GNA12: variants seen among roughly 807,000 people sequenced by gnomAD.
The protein encoded by GNA12 is G protein subunit alpha 12.
In GNA12, 9 loss-of-function variants were observed where a neutral mutation model predicts 26.0. The ratio of observed to expected loss-of-function variants is 0.35; its 90% CI spans 0.21 to 0.60. The LOEUF is 0.60. Among genes scored for constraint, GNA12 ranks in the 20% least tolerant of loss-of-function variants. The pLI, the probability that GNA12 is intolerant of heterozygous loss-of-function variation, is 0.78. For synonymous variants in GNA12, 264 were observed against 219.6 expected (o/e 1.20, Z -1.79); for missense variants, 405 against 525.8 (o/e 0.77, Z 2.25).
chr7:2,790,391 C>T (rs918791646), intron 2 of GNA12, among the ~76,000 whole-genome samples: 2 of 152,202 alleles, frequency 1.3e-5, no homozygotes, highest in Non-Finnish European at 1.5e-5. Context: ...GCTGGAACTA[C>T]AGGCGCGCAA....
In GNA12 at chr7:2,731,810, A is replaced by G; in HGVS notation, c.577-60T>C. ...GAGGAAGAAAGAACAGAGAAAATAG[A>G]AACAAAAAGATGGCAAAAAGATAAG... On this transcript the variant is annotated intron_variant, in intron 3 of 3. Coordinates refer to ENST00000275364, the MANE Select transcript of GNA12 (RefSeq NM_007353.3). The surrounding 1 kb of genome is among the most constrained non-coding windows in gnomAD (Gnocchi z 6.0). 2 of 890,672 alleles carry G rather than the reference A, an allele frequency of 2.2e-6. No individual in the cohort carries two copies. The highest frequency in any genetic ancestry group is 3.2e-6 in the Non-Finnish European group (2 of 616,150). 55.2% of individuals were successfully genotyped at this position (890,672 alleles called of 1,614,324 possible).
At chr7:2,814,922 C>G in intron 1 of GNA12, 1 of 1,594,282 alleles carries the variant, frequency 6.3e-7, no homozygotes, top group Non-Finnish European at 8.5e-7. Flanking sequence ...GAAACATTCT[C>G]CGTTTCATTT....
chr7:2,767,652 C>A (rs192416181), intron 2 of GNA12, among the ~76,000 whole-genome samples: 2 of 152,292 alleles, frequency 1.3e-5, no homozygotes, highest in Admixed American at 6.5e-5. Flanking sequence ...AAGTTTTTTA[C>A]TTCTTCATTT....
At chr7:2,766,432 C>A (rs892980919) in intron 2 of GNA12, among the ~76,000 whole-genome samples, 6 of 147,110 alleles carry the variant, frequency 4.1e-5, no homozygotes, top group Non-Finnish European at 8.9e-5. Flanking sequence ...TGTCGCCAGG[C>A]TGGAGTGCAG....
chr7:2,762,792 G>T lies in GNA12; in HGVS notation c.526-29291C>A, dbSNP rs529989177. ...TCCACCCAGGCTGTACAAAAGGGAG[G>T]AGGAGCACTCAGGGCGGCCTCCCAT... On this transcript the variant is annotated intron_variant, in intron 2 of 3. Transcript: ENST00000275364. The T allele has an allele frequency of 9.1e-6, 14 of 1,538,938 alleles. No individual in the cohort carries two copies. The African/African-American group carries it at 1.2e-4, about 14-fold the overall frequency.
At chr7:2,764,244 C>A (rs950455770) in intron 2 of GNA12, among the ~76,000 whole-genome samples, 2 of 139,340 alleles carry the variant, frequency 1.4e-5, no homozygotes, top group African/African-American at 5.4e-5. Flanking sequence ...CAGCTAATTT[C>A]TTTTTTTTTT....
intron 2 of GNA12, among the ~76,000 whole-genome samples, chr7:2,754,860 C>T (rs190040937): frequency 2.6e-5 from 4 of 152,350 alleles, no homozygotes; most frequent in African/African-American, 7.2e-5. Context: ...AAGAATTCTT[C>T]ACCAAGTTCT....
chr7:2,838,417 A>C (rs1256795551), intron 1 of GNA12, among the ~76,000 whole-genome samples: 1 of 152,170 alleles, frequency 6.6e-6, no homozygotes, highest in Non-Finnish European at 1.5e-5. Context: ...TCTACAAAAA[A>C]TAAATATAGA....
chr7:2,841,078 A>C (rs1778976298), intron 1 of GNA12, among the ~76,000 whole-genome samples: 1 of 152,110 alleles, frequency 6.6e-6, no homozygotes, highest in African/African-American at 2.4e-5. Context: ...ACCAGTTAAC[A>C]CATTTTGTTT....
intron 2 of GNA12, chr7:2,762,873 C>A: frequency 6.9e-7 from 1 of 1,444,928 alleles, no homozygotes; most frequent in Non-Finnish European, 9.2e-7. Context: ...GCTCCGAGCC[C>A]TGCTCGTGGA....
chr7:2,843,835 G>A lies in GNA12; in HGVS notation c.309+18C>T, dbSNP rs1265396458. 32 of 1,420,574 alleles carry A rather than the reference G, an allele frequency of 2.3e-5. No homozygotes were observed. The highest frequency in any genetic ancestry group is 2.8e-5 in the Non-Finnish European group (30 of 1,065,332). The allele number at this position is 1,420,574 out of a possible 1,614,324, so 88.0% of individuals were successfully genotyped here. ...CGGCCCACCTGGGTGCAGGTGCTGGGCGGGGGGCGCGCGTCACCTTGAGGA... is the reference window on the plus strand; with the variant it reads ...CGGCCCACCTGGGTGCAGGTGCTGGACGGGGGGCGCGCGTCACCTTGAGGA... On this transcript the variant is annotated intron_variant, in intron 1 of 3. Transcript: ENST00000275364.
intron 1 of GNA12, among the ~76,000 whole-genome samples, chr7:2,829,345 G>T (rs1051556584): frequency 2.0e-5 from 3 of 152,196 alleles, no homozygotes; most frequent in Non-Finnish European, 4.4e-5. Flanking sequence ...TTAGGTTCAT[G>T]TTTTTTGTGC....
At chr7:2,811,806 G>C (rs745415991) in intron 1 of GNA12, among the ~76,000 whole-genome samples, 2 of 152,230 alleles carry the variant, frequency 1.3e-5, no homozygotes, top group Non-Finnish European at 2.9e-5. Flanking sequence ...CCTTCAGAGG[G>C]GTTCTGCTGA....
intron 1 of GNA12, among the ~76,000 whole-genome samples, chr7:2,843,565 T>C (rs916147332): frequency 6.6e-6 from 1 of 151,894 alleles, no homozygotes; most frequent in Non-Finnish European, 1.5e-5. Context: ...GAGTAGGGCT[T>C]GAGCCTGGGA....
intron 2 of GNA12, among the ~76,000 whole-genome samples, chr7:2,791,699 A>C (rs1246604857): frequency 6.6e-6 from 1 of 151,404 alleles, no homozygotes; most frequent in Non-Finnish European, 1.5e-5. Flanking sequence ...TCAGGAAAAG[A>C]TTGGAAGAGA....
At chr7:2,734,194 G>A (rs1464505529) in intron 2 of GNA12, among the ~76,000 whole-genome samples, 1 of 152,224 alleles carries the variant, frequency 6.6e-6, no homozygotes, top group East Asian at 1.9e-4. Flanking sequence ...AGGAAGCGCT[G>A]AGCCGCCAAA....
chr7:2,842,042 A>C (rs1312607237), intron 1 of GNA12, among the ~76,000 whole-genome samples: 5 of 132,758 alleles, frequency 3.8e-5, no homozygotes, highest in Admixed American at 3.2e-4. Context: ...GAAGAAAAGA[A>C]AAAAGGAAGG....
intron 1 of GNA12, among the ~76,000 whole-genome samples, chr7:2,839,732 G>C (rs1778935188): frequency 6.6e-6 from 1 of 152,196 alleles, no homozygotes. Context: ...ACAGAGGCGG[G>C]GCACGGCGTC....
rs150007631 is a variant in GNA12 at position 2,763,432 on chromosome 7, G to C, written c.526-29931C>G. ...AGCTCTTCCTATGGCCCTGCCAAAC[G>C]CCTGGAGCAAAGGTTTTGTCTGGAA... On this transcript the variant is annotated intron_variant, in intron 2 of 3. Coordinates refer to ENST00000275364, the MANE Select transcript of GNA12 (RefSeq NM_007353.3). The C allele has an allele frequency of 2.5e-3, 379 of 152,488 alleles. 2 individuals carry two copies. Among genetic ancestry groups the C allele is most frequent in the Middle Eastern group, 0.01 (3 of 294 alleles). 9.4% of individuals were successfully genotyped at this position (152,488 alleles called of 1,614,324 possible). A position where few individuals can be genotyped will look rare whatever the true frequency, so the allele number is the denominator to read the frequency against.
Sources: allele counts gnomAD v4.1 joint callset (sites outside exome capture counted in the v4.1 genomes callset), GRCh38; gene constraint gnomAD v4.1.1; non-coding constraint Gnocchi (gnomAD v3.1); transcripts MANE v1.5; gene names NCBI Gene and HGNC (gene_info 2026-07-23, HGNC 2026-07-21).